The following MELK variants were observed in gnomAD, a reference collection of about 807,000 sequenced individuals.
MELK encodes maternal embryonic leucine zipper kinase, also known as pEg3 kinase.
A neutral mutation model predicts 85.0 loss-of-function variants in MELK; 81 were observed. The observed-to-expected ratio is 0.95, with a 90% CI of 0.80 to 1.15. The LOEUF (loss-of-function observed/expected upper bound fraction) is 1.15, where lower values mean the gene tolerates loss of function less well. Among genes scored for constraint, MELK ranks in the 50% most tolerant of loss-of-function variants. MELK has a pLI of 0.00. For missense variants in MELK, 754 were observed against 777.5 expected (o/e 0.97, Z 0.36); for synonymous variants, 252 against 265.0 (o/e 0.95, Z 0.48).
intron 16 of MELK, among the ~76,000 whole-genome samples, chr9:36,673,443 T>G (rs1833068773): frequency 6.6e-6 from 1 of 152,234 alleles, no homozygotes; most frequent in Admixed American, 6.5e-5. Flanking sequence ...GTTGTTAATT[T>G]TTTGAGGCAG....
intron 8 of MELK, among the ~76,000 whole-genome samples, chr9:36,624,101 T>G (rs1827707457): frequency 6.6e-6 from 1 of 150,662 alleles, no homozygotes; most frequent in Admixed American, 6.6e-5. Context: ...TTTTTTTTTT[T>G]GAGATGGAGT....
chr9:36,669,044 T>A (rs901317779), intron 14 of MELK, among the ~76,000 whole-genome samples: 1 of 152,222 alleles, frequency 6.6e-6, no homozygotes, highest in Non-Finnish European at 1.5e-5. Context: ...TCATATGATG[T>A]TTATAATAAA....
chr9:36,595,943 G>C (rs1003727864), intron 5 of MELK, among the ~76,000 whole-genome samples: 1 of 152,080 alleles, frequency 6.6e-6, no homozygotes, highest in Non-Finnish European at 1.5e-5. Flanking sequence ...AGCCTCCTGA[G>C]TAGCTGGAAT....
chr9:36,583,222 C>T (rs1822439864), intron 2 of MELK, among the ~76,000 whole-genome samples: 1 of 152,074 alleles, frequency 6.6e-6, no homozygotes, highest in African/African-American at 2.4e-5. Flanking sequence ...ATCCGCCCGC[C>T]TCGGTCTCCC....
In MELK at chr9:36,677,611, G is replaced by C. The variant is rs12347708; in HGVS notation, c.*274G>C. 4.0e-6 allele frequency: 1 copy of C among 248,832 alleles called. No individual in the cohort carries two copies. Among genetic ancestry groups the C allele is most frequent in the Admixed American group, 5.5e-5 (1 of 18,196 alleles). The allele number at this position is 248,832 out of a possible 1,614,324, so 15.4% of individuals were successfully genotyped here. On this transcript the variant is annotated 3_prime_UTR_variant, in exon 18 of 18. Coordinates refer to ENST00000298048, the MANE Select transcript of MELK (RefSeq NM_014791.4). The stretch of plus-strand genomic sequence containing the variant: ...CTTTCTTAGATTCACTTCCATATGT[G>C]AATGTAAGCTCTTAACTATGTCTCT...
chr9:36,627,646 C>T (rs779498770), intron 8 of MELK, among the ~76,000 whole-genome samples: 37 of 151,292 alleles, frequency 2.4e-4, no homozygotes, highest in Admixed American at 4.0e-4. Flanking sequence ...CCTGCCTCAG[C>T]CTCCTGAGTA....
At chr9:36,624,157 C>T (rs772611648) in intron 8 of MELK, among the ~76,000 whole-genome samples, 11 of 149,778 alleles carry the variant, frequency 7.3e-5, no homozygotes, top group Non-Finnish European at 1.6e-4. Flanking sequence ...GATCTCGGCT[C>T]ACTGTAACCT....
At chr9:36,614,967 G>T (rs1255823428) in intron 8 of MELK, among the ~76,000 whole-genome samples, 1 of 145,626 alleles carries the variant, frequency 6.9e-6, no homozygotes, top group Non-Finnish European at 1.5e-5. Flanking sequence ...CCTCCCAGAC[G>T]GGGTGGTGGC....
chr9:36,612,199 G>T (rs1420475204), intron 8 of MELK, among the ~76,000 whole-genome samples: 1 of 150,998 alleles, frequency 6.6e-6, no homozygotes, highest in Admixed American at 6.6e-5. Context: ...CAGTTCAAGC[G>T]ATTCTCTTGC....
At chr9:36,634,484 G>A (rs1332105125) in intron 10 of MELK, among the ~76,000 whole-genome samples, 2 of 151,960 alleles carry the variant, frequency 1.3e-5, no homozygotes, top group Non-Finnish European at 2.9e-5. Flanking sequence ...GCTGAGGCAG[G>A]CGTATTACTT....
intron 3 of MELK, among the ~76,000 whole-genome samples, chr9:36,584,037 G>T (rs1297736152): frequency 6.6e-6 from 1 of 151,670 alleles, no homozygotes; most frequent in Non-Finnish European, 1.5e-5. Flanking sequence ...ACGGAGTCTC[G>T]CTCTGTCGCC....
At chr9:36,617,270 A>G (rs898731215) in intron 8 of MELK, among the ~76,000 whole-genome samples, 1 of 151,586 alleles carries the variant, frequency 6.6e-6, no homozygotes, top group Non-Finnish European at 1.5e-5. Context: ...TTTAAGACTT[A>G]TTTTTGCTGT....
Position 36,633,140 on chromosome 9 carries a change from GAACC to G in MELK, c.776_779del (p.Asn259IlefsTer28), listed in dbSNP as rs1828813818. The stretch of plus-strand genomic sequence containing the variant: ...AACGGATTTCTATGAAAAATCTATT[GAACC>G]ATCCCTGGATCATGCAAGATTACAA... On this transcript the variant is annotated frameshift_variant, in exon 10 of 18. Transcript: ENST00000298048. LOFTEE classifies it high-confidence loss of function. 6.2e-7 allele frequency: 1 copy of G among 1,610,398 alleles called. No individual in the cohort carries two copies. The highest frequency in any genetic ancestry group is 8.5e-7 in the Non-Finnish European group (1 of 1,179,258).
At chr9:36,617,828 T>A (rs1393076012) in intron 8 of MELK, among the ~76,000 whole-genome samples, 1 of 152,180 alleles carries the variant, frequency 6.6e-6, no homozygotes, top group African/African-American at 2.4e-5. Flanking sequence ...TTCTGGATTT[T>A]AAAGATCTAA....
chr9:36,621,275 G>GAAAAAAAA lies in MELK; in HGVS notation c.667-8989_667-8982dup. 2.7e-3 allele frequency among the ~76,000 whole-genome samples: 88 copies of GAAAAAAAA among 32,444 alleles called. 16 individuals carry two copies. The highest frequency in any genetic ancestry group is 5.3e-3 in the Non-Finnish European group (60 of 11,226). The allele number at this position is 32,444 out of a possible 152,430, so 21.3% of individuals were successfully genotyped here. A position where few individuals can be genotyped will look rare whatever the true frequency, so the allele number is the denominator to read the frequency against. On this transcript the variant is annotated intron_variant, in intron 8 of 17. Coordinates refer to ENST00000298048, the MANE Select transcript of MELK (RefSeq NM_014791.4). Reference sequence around the variant, plus strand: ...TGACAGAGTGAGACTCTGTCTCAGGGAAAAAAAAAAAAAAAAAAAAAAAAA... The same window carrying GAAAAAAAA: ...TGACAGAGTGAGACTCTGTCTCAGGGAAAAAAAAAAAAAAAAAAAAAAAAAAAAAAAAA...
chr9:36,590,008 A>G (rs1287922538), intron 4 of MELK, among the ~76,000 whole-genome samples: 2 of 140,932 alleles, frequency 1.4e-5, no homozygotes. Context: ...TGCACCCTCC[A>G]CCTCCCGAGT....
chr9:36,584,259 C>T (rs1822596390), intron 3 of MELK, among the ~76,000 whole-genome samples: 1 of 151,016 alleles, frequency 6.6e-6, no homozygotes, highest in African/African-American at 2.4e-5. Flanking sequence ...CCCGCCTCGG[C>T]CTCCCAAAGT....
At chr9:36,579,706 A>G (rs1312080807) in intron 1 of MELK, among the ~76,000 whole-genome samples, 2 of 152,246 alleles carry the variant, frequency 1.3e-5, no homozygotes, top group African/African-American at 2.4e-5. Flanking sequence ...CTAAAAGTCA[A>G]CCACGAGGTT....
intron 1 of MELK, among the ~76,000 whole-genome samples, chr9:36,574,430 CAAAAAAAA>C (rs78915626): frequency 3.3e-4 from 26 of 79,920 alleles, no homozygotes; most frequent in African/African-American, 9.1e-4. Context: ...ACTAAAAATA[CAAAAAAAA>C]AAAAAAAAAA....
Sources: allele counts gnomAD v4.1 joint callset (sites outside exome capture counted in the v4.1 genomes callset), GRCh38; gene constraint gnomAD v4.1.1; transcripts MANE v1.5; gene names NCBI Gene and HGNC (gene_info 2026-07-23, HGNC 2026-07-21).